The following ATP10A variants were observed in gnomAD, a reference collection of about 807,000 sequenced individuals.
The protein encoded by ATP10A is ATPase phospholipid transporting 10A (putative).
Under a neutral mutation model 147.8 loss-of-function variants are expected in ATP10A, and 111 were observed. The ratio of observed to expected loss-of-function variants is 0.75; its 90% CI spans 0.64 to 0.88. ATP10A has a LOEUF of 0.88. Ranked by LOEUF, ATP10A falls within the 40% of genes least tolerant of loss-of-function variation. The pLI is 0.00. For missense variants in ATP10A, 1,927 were observed against 1,959.0 expected (o/e 0.98, Z 0.31); for synonymous variants, 875 against 841.6 (o/e 1.04, Z -0.69).
chr15:25,817,871 T>A (rs1891732020), intron 1 of ATP10A, among the ~76,000 whole-genome samples: 1 of 152,216 alleles, frequency 6.6e-6, no homozygotes, highest in African/African-American at 2.4e-5. Context: ...TGTAATAATA[T>A]GATGATGATA....
chr15:25,771,021 A>C (rs1214322269), intron 2 of ATP10A, among the ~76,000 whole-genome samples: 1 of 152,080 alleles, frequency 6.6e-6, no homozygotes, highest in Non-Finnish European at 1.5e-5. Flanking sequence ...GTTAAGTGAA[A>C]ATGCTGTAGA....
chr15:25,683,700 AAAG>A (rs146025299), intron 16 of ATP10A: 59,293 of 573,728 alleles, frequency 0.1, 3,739 homozygotes, highest in South Asian at 0.22. Flanking sequence ...CTCCCTTAAG[AAAG>A]AAGAACTGGC....
intron 2 of ATP10A, among the ~76,000 whole-genome samples, chr15:25,760,426 T>C (rs1390645031): frequency 6.6e-6 from 1 of 152,246 alleles, no homozygotes. Flanking sequence ...CCTTGTCAAC[T>C]GCATTGCCAT....
At chr15:25,739,470 G>GCTCTCTTGCCA (rs1887467182) in intron 2 of ATP10A, among the ~76,000 whole-genome samples, 2 of 152,296 alleles carry the variant, frequency 1.3e-5, no homozygotes, top group South Asian at 2.1e-4. Context: ...GGCAAGTGAA[G>GCTCTCTTGCCA]AGAGGGCATT....
Position 25,718,352 on chromosome 15 carries a change from C to A in ATP10A, c.1411G>T (p.Val471Leu), listed in dbSNP as rs573609756. 2.5e-6 allele frequency: 4 copies of A among 1,607,906 alleles called. No individual in the cohort carries two copies. The South Asian group carries it at 4.4e-5, about 18-fold the overall frequency. Residue 471 changes from valine to leucine, a missense_variant, in exon 8 of 21, where the codon GTG (valine) becomes TTG (leucine). Val to Leu is a conservative substitution (Grantham distance 32). Transcript: ENST00000555815. The part of the protein sequence containing the change: ...YQEADSEEEE[V>L]VPRGGSVSQR... ...GACACCGAGCCCCCTCTGGGCACCACCTCCTCCTCCTCCGAGTCTGCCTCT... is the reference window on the plus strand; with the variant it reads ...GACACCGAGCCCCCTCTGGGCACCAACTCCTCCTCCTCCGAGTCTGCCTCT...
intron 9 of ATP10A, 133 bp downstream of exon 9, chr15:25,716,597 T>A: frequency 1.2e-6 from 1 of 839,574 alleles, no homozygotes; most frequent in Non-Finnish European, 1.8e-6. Flanking sequence ...CCCCACCGCA[T>A]CCCCCTTAGG....
intron 1 of ATP10A, among the ~76,000 whole-genome samples, chr15:25,835,306 G>A (rs930580377): frequency 3.3e-5 from 5 of 152,090 alleles, no homozygotes; most frequent in African/African-American, 1.2e-4. Context: ...ATGTTCTAAA[G>A]TTGATTGTGG....
At chr15:25,863,460 A>C (rs532809960), upstream of ATP10A, among the ~76,000 whole-genome samples, 1 of 152,288 alleles carries the variant, frequency 6.6e-6, no homozygotes, top group East Asian at 1.9e-4. Context: ...GAAACAAAAA[A>C]AGCCCGAGCT....
chr15:25,748,751 T>G (rs558864523), intron 2 of ATP10A, among the ~76,000 whole-genome samples: 1 of 151,892 alleles, frequency 6.6e-6, no homozygotes, highest in Non-Finnish European at 1.5e-5. Context: ...TCTTAGAAAC[T>G]TATTAGAATT....
chr15:25,754,662 A>T (rs1888325035), intron 2 of ATP10A, among the ~76,000 whole-genome samples: 1 of 152,188 alleles, frequency 6.6e-6, no homozygotes. Context: ...AATATCCGAC[A>T]TAAAAATTGG....
intron 3 of ATP10A, among the ~76,000 whole-genome samples, chr15:25,734,599 A>T (rs1240822325): frequency 6.6e-6 from 1 of 152,136 alleles, no homozygotes; most frequent in Non-Finnish European, 1.5e-5. Context: ...AGGAGTCAAG[A>T]AAGACCAGAA....
At chr15:25,761,929 A>T (rs1358253893) in intron 2 of ATP10A, among the ~76,000 whole-genome samples, 1 of 152,122 alleles carries the variant, frequency 6.6e-6, no homozygotes, top group Non-Finnish European at 1.5e-5. Context: ...AAATGTGAGG[A>T]CGTGAGATTT....
intron 1 of ATP10A, among the ~76,000 whole-genome samples, chr15:25,858,896 A>T (rs1162415818): frequency 6.6e-6 from 1 of 152,118 alleles, no homozygotes; most frequent in Non-Finnish European, 1.5e-5. Context: ...AAGGGAGAAA[A>T]AAAAAAGATA....
chr15:25,752,052 A>G (rs982967388), intron 2 of ATP10A, among the ~76,000 whole-genome samples: 1 of 152,206 alleles, frequency 6.6e-6, no homozygotes, highest in African/African-American at 2.4e-5. Context: ...GAACACTCAT[A>G]TGCTGTTGAT....
rs1183028684 is a variant in ATP10A at position 25,844,717 on chromosome 15, G to A, written c.449+17931C>T. Among the ~76,000 whole-genome samples, 4 of 152,112 alleles carry A rather than the reference G, an allele frequency of 2.6e-5. No homozygotes were observed. The East Asian group carries it at 7.8e-4, about 30-fold the overall frequency. ...TGAGAGGCTGCGGTGGGCGAGCAGT[G>A]AGGAGGGCAGACCTGGCTGTGCACG... is the stretch of plus-strand genomic sequence containing the variant. On this transcript the variant is annotated intron_variant, in intron 1 of 20. Coordinates refer to ENST00000555815, the MANE Select transcript of ATP10A (RefSeq NM_024490.4).
At chr15:25,843,206 A>C in intron 1 of ATP10A, among the ~76,000 whole-genome samples, 1 of 142,868 alleles carries the variant, frequency 7.0e-6, no homozygotes, top group Non-Finnish European at 1.5e-5. Flanking sequence ...TAGGAGACGC[A>C]GGCCCACCCT....
chr15:25,823,201 T>C (rs1033443098), intron 1 of ATP10A, among the ~76,000 whole-genome samples: 1 of 152,216 alleles, frequency 6.6e-6, no homozygotes, highest in Non-Finnish European at 1.5e-5. Context: ...CTGGCTTCAA[T>C]GGTATGGCTA....
chr15:25,739,001 A>C (rs979277639), intron 2 of ATP10A, among the ~76,000 whole-genome samples: 4 of 152,230 alleles, frequency 2.6e-5, no homozygotes, highest in Non-Finnish European at 5.9e-5. Context: ...TAACAGAAAA[A>C]GATTGTACAA....
At chr15:25,769,458 G>T (rs1011650825) in intron 2 of ATP10A, among the ~76,000 whole-genome samples, 2 of 122,708 alleles carry the variant, frequency 1.6e-5, no homozygotes, top group Non-Finnish European at 3.1e-5. Context: ...CTGCACTCCA[G>T]CCTGGGTGAC....
Sources: gnomAD v4.1 joint callset for allele counts (sites outside exome capture counted in the v4.1 genomes callset) on GRCh38, gnomAD v4.1.1 for gene constraint, MANE v1.5 for transcripts, NCBI Gene and HGNC (gene_info 2026-07-23, HGNC 2026-07-21) for gene names.